The following SLC7A11 variants were observed in gnomAD, a reference collection of about 807,000 sequenced individuals.
SLC7A11 encodes solute carrier family 7 member 11, also known as cystine/glutamate transporter.
In SLC7A11, 35 loss-of-function variants were observed where a neutral mutation model predicts 54.5. The observed-to-expected ratio is 0.64, with a 90% CI of 0.49 to 0.85. The LOEUF (loss-of-function observed/expected upper bound fraction) is 0.85. Ranked by LOEUF, SLC7A11 falls within the 40% of genes least tolerant of loss-of-function variation. The pLI is 0.00. For missense variants in SLC7A11, 583 were observed against 618.1 expected, an observed-to-expected ratio of 0.94 and a Z score of 0.60; for synonymous variants, 230 against 225.2, an observed-to-expected ratio of 1.02 and a Z score of -0.19.
At chr4:138,216,074 G>A (rs1185434983) in intron 5 of SLC7A11, among the ~76,000 whole-genome samples, 1 of 152,106 alleles carries the variant, frequency 6.6e-6, no homozygotes, top group Non-Finnish European at 1.5e-5. Context: ...CCACCTTTAC[G>A]TTCTAGTCTC....
chr4:138,194,055 T>G (rs1578643108), intron 6 of SLC7A11, among the ~76,000 whole-genome samples: 1 of 152,052 alleles, frequency 6.6e-6, no homozygotes, highest in Non-Finnish European at 1.5e-5. Context: ...TAAATCCACA[T>G]GCCAAGGCCA....
chr4:138,173,463 C>T (rs1490309219), intron 11 of SLC7A11, among the ~76,000 whole-genome samples: 1 of 151,918 alleles, frequency 6.6e-6, no homozygotes, highest in East Asian at 1.9e-4. Context: ...GGAGAAACCC[C>T]ATCTCTACTA....
At chr4:138,173,939 T>C (rs1736502246) in intron 11 of SLC7A11, among the ~76,000 whole-genome samples, 1 of 152,040 alleles carries the variant, frequency 6.6e-6, no homozygotes, top group South Asian at 2.1e-4. Flanking sequence ...TAATAAATAG[T>C]AAAGAAAATG....
chr4:138,224,107 C>T (rs1408196099), intron 3 of SLC7A11, among the ~76,000 whole-genome samples: 1 of 152,098 alleles, frequency 6.6e-6, no homozygotes, highest in African/African-American at 2.4e-5. Context: ...GGTTATTCAT[C>T]GCTGTATCGC....
rs1381418575 is a variant in SLC7A11 at position 138,174,436 on chromosome 4, T to A, written c.1445-2419A>T. ...AATCAGCCCTGTTGACAATATCCAA[T>A]GTGTCTTTCTTATGTGATCTCTCTT... On this transcript the variant is annotated intron_variant, in intron 11 of 11. Transcript: ENST00000280612. 6 of 152,364 alleles carry A rather than the reference T, an allele frequency of 3.9e-5. No homozygotes were observed. The East Asian group carries it at 1.2e-3, about 29-fold the overall frequency. 9.4% of individuals were successfully genotyped at this position (152,364 alleles called of 1,614,324 possible).
intron 6 of SLC7A11, 46 bp from the exon 7 acceptor site, chr4:138,185,290 A>G (rs765302052): frequency 2.5e-6 from 4 of 1,598,846 alleles, no homozygotes; most frequent in Non-Finnish European, 3.4e-6. Context: ...TTTGTTAGCC[A>G]TTCTCTGATA....
chr4:138,164,644 T>C lies in SLC7A11; in HGVS notation c.*7312A>G, dbSNP rs987716085. The C allele has an allele frequency of 1.3e-5, 2 of 152,138 alleles. No homozygotes were observed. Among genetic ancestry groups the C allele is most frequent in the Non-Finnish European group, 2.9e-5 (2 of 67,998 alleles). 9.4% of individuals were successfully genotyped at this position (152,138 alleles called of 1,614,324 possible). A position where few individuals can be genotyped will look rare whatever the true frequency, so the allele number is the denominator to read the frequency against. Reference sequence around the variant, plus strand: ...TTAAGAATTTTATCAATGTAAGACATTGTATTAAATTTGTATAAAATACAC... The same window carrying C: ...TTAAGAATTTTATCAATGTAAGACACTGTATTAAATTTGTATAAAATACAC... On this transcript the variant is annotated 3_prime_UTR_variant, in exon 12 of 12. Transcript: ENST00000280612.
chr4:138,211,327 C>T (rs556134043), intron 6 of SLC7A11, among the ~76,000 whole-genome samples: 1 of 151,748 alleles, frequency 6.6e-6, no homozygotes, highest in Non-Finnish European at 1.5e-5. Flanking sequence ...ATAATTCATA[C>T]CCCAAACCTC....
intron 1 of SLC7A11, among the ~76,000 whole-genome samples, chr4:138,239,590 C>T (rs890430851): frequency 4.6e-5 from 7 of 152,148 alleles, no homozygotes; most frequent in Non-Finnish European, 8.8e-5. Flanking sequence ...TAGATTAATA[C>T]AAGAGCACAC....
rs375814534 is a variant in SLC7A11 at position 138,240,543 on chromosome 4, G to A, written c.277+1250C>T. Among the ~76,000 whole-genome samples, 109 of 138,564 alleles carry A rather than the reference G, an allele frequency of 7.9e-4. 1 individual carries two copies. In the South Asian group the frequency reaches 0.025, roughly 32 times the overall value. The allele number at this position is 138,564 out of a possible 152,430, so 90.9% of individuals were successfully genotyped here. A position where few individuals can be genotyped will look rare whatever the true frequency, so the allele number is the denominator to read the frequency against. Reference sequence around the variant, plus strand: ...GATCACACCACTGCACTCCAGCCTGGGCAAAGAGCGAGTCTCTGTCTCAAA... The same window carrying A: ...GATCACACCACTGCACTCCAGCCTGAGCAAAGAGCGAGTCTCTGTCTCAAA... On this transcript the variant is annotated intron_variant, in intron 1 of 11. Transcript: ENST00000280612.
Position 138,224,202 on chromosome 4 carries a change from G to A in SLC7A11, c.521-878C>T, listed in dbSNP as rs1247436340. Among the ~76,000 whole-genome samples the A allele has an allele frequency of 4.6e-5, 7 of 152,178 alleles. No homozygotes were observed. In the East Asian group the frequency reaches 1.4e-3, roughly 29 times the overall value. On this transcript the variant is annotated intron_variant, in intron 3 of 11. Transcript: ENST00000280612. ...CTGGATCCTCAGTTAGAAAATCTAA[G>A]GCACAAGGGAAATGGTGATGCTCTA...
At chr4:138,193,376 G>A (rs780083098) in intron 6 of SLC7A11, among the ~76,000 whole-genome samples, 1 of 152,108 alleles carries the variant, frequency 6.6e-6, no homozygotes, top group Non-Finnish European at 1.5e-5. Context: ...CTAGTTTTAT[G>A]TATTGACATT....
At chr4:138,222,908 GTT>G (rs11285067) in intron 4 of SLC7A11, among the ~76,000 whole-genome samples, 10,824 of 149,192 alleles carry the variant, frequency 0.073, 735 homozygotes, top group East Asian at 0.39. Context: ...TAAGTGGCAG[GTT>G]TTTTTTTTTT....
At chr4:138,237,030 A>T (rs1240346040) in intron 1 of SLC7A11, among the ~76,000 whole-genome samples, 1 of 139,636 alleles carries the variant, frequency 7.2e-6, no homozygotes, top group Non-Finnish European at 1.5e-5. Context: ...CTGTCGCCCA[A>T]GCTGGAGTGC....
At chr4:138,180,920 A>C (rs985617329) in intron 9 of SLC7A11, 130 bp from the exon 10 acceptor site, 12 of 864,894 alleles carry the variant, frequency 1.4e-5, no homozygotes, top group Non-Finnish European at 1.9e-5. Context: ...ATCATAGTTA[A>C]AACTTGGATT....
chr4:138,225,162 ATATATAT>A (rs1560737141), intron 3 of SLC7A11, among the ~76,000 whole-genome samples: 1 of 145,788 alleles, frequency 6.9e-6, no homozygotes, highest in African/African-American at 2.5e-5. Context: ...ATATATATAT[ATATATAT>A]ATAAATAAAA....
rs1413867527 is a variant in SLC7A11 at position 138,205,065 on chromosome 4, A to G, written c.791+9520T>C. Among the ~76,000 whole-genome samples, 6 of 152,014 alleles carry G rather than the reference A, an allele frequency of 3.9e-5. No homozygotes were observed. The South Asian group carries it at 1.2e-3, about 31-fold the overall frequency. On this transcript the variant is annotated intron_variant, in intron 6 of 11. Transcript: ENST00000280612. ...TTGCAGAGCTCATTAACATTTTTGA[A>G]TTTCACATATTTTATCCTCACAACC...
intron 3 of SLC7A11, among the ~76,000 whole-genome samples, chr4:138,224,815 A>AAAGGAAGGAAGGAAGG (rs138629758): frequency 0.016 from 2,208 of 135,894 alleles, 25 homozygotes; most frequent in Middle Eastern, 0.035. Context: ...AGGAAGGATG[A>AAAGGAAGGAAGGAAGG]AAGGAAGGAA....
intron 1 of SLC7A11, among the ~76,000 whole-genome samples, chr4:138,236,971 C>T (rs2148457051): frequency 7.0e-6 from 1 of 143,846 alleles, no homozygotes; most frequent in Admixed American, 7.3e-5. Context: ...GACTCTCTGA[C>T]TTGCAAGATT....
Sources: allele counts gnomAD v4.1 joint callset (sites outside exome capture counted in the v4.1 genomes callset), GRCh38; gene constraint gnomAD v4.1.1; transcripts MANE v1.5; gene names NCBI Gene and HGNC (gene_info 2026-07-23, HGNC 2026-07-21).